Variants in SPATA6 observed in about 807,000 individuals in gnomAD.
SPATA6 encodes spermatogenesis associated 6.
In SPATA6, 56 loss-of-function variants were observed where a neutral mutation model predicts 65.3. The ratio of observed to expected loss-of-function variants is 0.86; its 90% confidence interval spans 0.69 to 1.07. The LOEUF (loss-of-function observed/expected upper bound fraction) is 1.07. Among genes scored for constraint, SPATA6 ranks in the 50% least tolerant of loss-of-function variants. The probability of loss-of-function intolerance (pLI) is 0.00; values close to 1 mark genes in which losing one functional copy is unlikely to be tolerated. For synonymous variants in SPATA6, 199 were observed against 213.2 expected (o/e 0.93, Z 0.58); for missense variants, 590 against 594.8 (o/e 0.99, Z 0.08).
chr1:48,441,214 T>C (rs1329141133), intron 3 of SPATA6, among the ~76,000 whole-genome samples: 1 of 152,210 alleles, frequency 6.6e-6, no homozygotes, highest in Non-Finnish European at 1.5e-5. Flanking sequence ...TGCCAGCTCA[T>C]GTCATCACCC....
chr1:48,367,575 T>A (rs1265109210), intron 9 of SPATA6, among the ~76,000 whole-genome samples: 1 of 152,176 alleles, frequency 6.6e-6, no homozygotes, highest in African/African-American at 2.4e-5. Context: ...TCTTTTGATC[T>A]TTGTTGGTTT....
intron 11 of SPATA6, among the ~76,000 whole-genome samples, chr1:48,352,147 A>G (rs1486679983): frequency 7.9e-5 from 12 of 152,062 alleles, no homozygotes; most frequent in Non-Finnish European, 1.8e-4. Context: ...TCTTACATGG[A>G]TGGCAGCAAG....
the SPATA6 span, among the ~76,000 whole-genome samples, chr1:48,278,880 C>A: frequency 2.0e-5 from 3 of 152,124 alleles, no homozygotes; most frequent in Non-Finnish European, 4.4e-5. Context: ...ACATAATTGT[C>A]AGATTCACCA....
the SPATA6 span, among the ~76,000 whole-genome samples, chr1:48,285,263 G>A: frequency 4.6e-5 from 7 of 152,046 alleles, no homozygotes; most frequent in Non-Finnish European, 1.0e-4. Flanking sequence ...CTCAGTAATG[G>A]CGGACACCCC....
At chr1:48,392,845 A>G (rs1480370537) in intron 8 of SPATA6, among the ~76,000 whole-genome samples, 1 of 152,086 alleles carries the variant, frequency 6.6e-6, no homozygotes, top group Non-Finnish European at 1.5e-5. Context: ...AGAAATTCCC[A>G]TATGTATTTA....
intron 10 of SPATA6, among the ~76,000 whole-genome samples, chr1:48,358,505 A>ATATTT (rs1398039957): frequency 6.6e-6 from 1 of 152,098 alleles, no homozygotes; most frequent in Non-Finnish European, 1.5e-5. Context: ...AATCAACAAA[A>ATATTT]TCACAAGAGA....
chr1:48,443,491 C>G (rs906204242), intron 3 of SPATA6, among the ~76,000 whole-genome samples: 6 of 152,292 alleles, frequency 3.9e-5, no homozygotes, highest in African/African-American at 1.2e-4. Context: ...ATTTCTCAGA[C>G]AGTTTGCAAG....
the SPATA6 span, among the ~76,000 whole-genome samples, chr1:48,272,410 A>G: frequency 5.3e-5 from 8 of 152,092 alleles, no homozygotes; most frequent in Non-Finnish European, 1.2e-4. Flanking sequence ...TGACTATTTG[A>G]GATTCTCATA....
At chr1:48,281,899 A>G in the SPATA6 span, among the ~76,000 whole-genome samples, 1 of 152,252 alleles carries the variant, frequency 6.6e-6, no homozygotes, top group African/African-American at 2.4e-5. Flanking sequence ...CAAAAGAGCA[A>G]AGCTGGAGGC....
chr1:48,301,692 T>G (rs1644942892), intron 12 of SPATA6, among the ~76,000 whole-genome samples: 2 of 152,030 alleles, frequency 1.3e-5, no homozygotes, highest in Admixed American at 6.6e-5. Context: ...AATAGACTAA[T>G]GGAACAGAAT....
At chr1:48,405,201 C>T (rs1308275449) in intron 5 of SPATA6, among the ~76,000 whole-genome samples, 2 of 152,316 alleles carry the variant, frequency 1.3e-5, no homozygotes, top group South Asian at 4.1e-4. Context: ...CTACAGTCTA[C>T]ACTCAAGAAG....
intron 3 of SPATA6, among the ~76,000 whole-genome samples, chr1:48,447,532 A>G (rs1451882383): frequency 1.3e-5 from 2 of 152,120 alleles, no homozygotes; most frequent in East Asian, 3.9e-4. Context: ...ACAAAAAAAC[A>G]TTATACATGA....
chr1:48,423,225 G>C (rs1013800117), intron 3 of SPATA6, among the ~76,000 whole-genome samples: 2 of 152,100 alleles, frequency 1.3e-5, no homozygotes, highest in Non-Finnish European at 2.9e-5. Flanking sequence ...GGGAGGCTGA[G>C]GCAGGCAGAC....
chr1:48,332,717 G>A (rs1174357867), intron 11 of SPATA6, among the ~76,000 whole-genome samples: 1 of 152,120 alleles, frequency 6.6e-6, no homozygotes, highest in Non-Finnish European at 1.5e-5. Context: ...AACACTTGAC[G>A]AAATGGAGCT....
intron 3 of SPATA6, among the ~76,000 whole-genome samples, chr1:48,441,970 T>G (rs1007183681): frequency 6.6e-6 from 1 of 152,202 alleles, no homozygotes; most frequent in African/African-American, 2.4e-5. Context: ...TGTGTGGCCC[T>G]CAACCCTGCT....
At chr1:48,364,409 G>A (rs910501699) in intron 9 of SPATA6, among the ~76,000 whole-genome samples, 3 of 152,186 alleles carry the variant, frequency 2.0e-5, no homozygotes, top group African/African-American at 4.8e-5. Context: ...CTAGTTTACA[G>A]TCCCACCAAC....
At chr1:48,327,169 T>TA (rs887379630) in intron 11 of SPATA6, among the ~76,000 whole-genome samples, 2 of 151,178 alleles carry the variant, frequency 1.3e-5, no homozygotes, top group African/African-American at 4.9e-5. Context: ...GAAAAACCAA[T>TA]AAAAAACCAG....
At chr1:48,468,856 T>C (rs1400909728) in intron 1 of SPATA6, among the ~76,000 whole-genome samples, 2 of 152,236 alleles carry the variant, frequency 1.3e-5, no homozygotes, top group Non-Finnish European at 2.9e-5. Context: ...CCAGAAAAAC[T>C]TGAATATGAA....
At chr1:48,445,392 G>T (rs948120308) in intron 3 of SPATA6, among the ~76,000 whole-genome samples, 22 of 152,242 alleles carry the variant, frequency 1.4e-4, no homozygotes, top group Admixed American at 1.2e-3. Flanking sequence ...GGCTGGGCGT[G>T]GTGGCTCACG....
Sources: allele counts gnomAD v4.1 joint callset (sites outside exome capture counted in the v4.1 genomes callset), GRCh38; gene constraint gnomAD v4.1.1; transcripts MANE v1.5; gene names NCBI Gene and HGNC (gene_info 2026-07-23, HGNC 2026-07-21).